Variants in RASA3 observed in about 807,000 individuals in gnomAD.
RASA3 encodes ras GTPase-activating protein 3.
RASA3 carries 73 observed loss-of-function variants against 110.0 expected under a neutral mutation model. That is an observed-to-expected ratio of 0.66 (90% CI 0.55 to 0.81). The LOEUF is 0.81. RASA3 is among the 30% of genes least tolerant of loss of function. The pLI is 0.00. For synonymous variants in RASA3, 500 were observed against 451.4 expected (o/e 1.11, Z -1.37); for missense variants, 976 against 1,113.2 (o/e 0.88, Z 1.75).
chr13:114,061,138 A>C (rs942338105), intron 2 of RASA3, among the ~76,000 whole-genome samples: 1 of 152,172 alleles, frequency 6.6e-6, no homozygotes, highest in Non-Finnish European at 1.5e-5. Flanking sequence ...TTCAGTGGCA[A>C]ATATTTCGAG....
chr13:113,996,106 G>A (rs113313549), intron 21 of RASA3, among the ~76,000 whole-genome samples: 17 of 138,770 alleles, frequency 1.2e-4, no homozygotes, highest in South Asian at 2.4e-4. Flanking sequence ...ATGGGGACCC[G>A]GCTGATGGGG....
chr13:114,015,777 G>A (rs1292219591), intron 13 of RASA3, among the ~76,000 whole-genome samples: 2 of 152,216 alleles, frequency 1.3e-5, no homozygotes, highest in Non-Finnish European at 2.9e-5. Flanking sequence ...GGGGAGGCAG[G>A]GAGGCCATCC....
At chr13:114,075,964 T>C (rs2079673011) in intron 1 of RASA3, among the ~76,000 whole-genome samples, 1 of 145,860 alleles carries the variant, frequency 6.9e-6, no homozygotes, top group Non-Finnish European at 1.5e-5. Context: ...TCTCTGGGTG[T>C]GGAGGCGCCG....
chr13:114,027,356 T>G, intron 7 of RASA3, 33 bp downstream of exon 7: 1 of 1,525,318 alleles, frequency 6.6e-7, no homozygotes, highest in Non-Finnish European at 9.1e-7. Flanking sequence ...GGTGCAGAGT[T>G]TCCACTTAAC....
intron 1 of RASA3, among the ~76,000 whole-genome samples, chr13:114,119,390 G>A (rs1229927491): frequency 2.0e-5 from 3 of 152,194 alleles, no homozygotes; most frequent in Non-Finnish European, 4.4e-5. Context: ...GGGGAATTCA[G>A]GAAGCGGTAC....
At chr13:113,998,186 C>T (rs12876827) in intron 20 of RASA3, among the ~76,000 whole-genome samples, 21 of 152,152 alleles carry the variant, frequency 1.4e-4, no homozygotes, top group Non-Finnish European at 2.4e-4. Flanking sequence ...CTTCGAGGGA[C>T]GGTCTCAGGG....
intron 1 of RASA3, among the ~76,000 whole-genome samples, chr13:114,121,210 G>A (rs1253555029): frequency 6.6e-6 from 1 of 152,240 alleles, no homozygotes; most frequent in African/African-American, 2.4e-5. Context: ...GCGGCCGGGG[G>A]CAGGAGGCCA....
At chr13:114,099,498 C>A (rs2079994664) in intron 1 of RASA3, among the ~76,000 whole-genome samples, 1 of 151,778 alleles carries the variant, frequency 6.6e-6, no homozygotes. Context: ...CTGGTCAGCG[C>A]TTCTCAGACC....
At chr13:114,118,148 G>C (rs1442133796) in intron 1 of RASA3, among the ~76,000 whole-genome samples, 1 of 152,062 alleles carries the variant, frequency 6.6e-6, no homozygotes, top group Non-Finnish European at 1.5e-5. Context: ...ACGTTCATGG[G>C]TTTGTCTTAT....
At chr13:114,081,968 G>A (rs2079794334) in intron 1 of RASA3, among the ~76,000 whole-genome samples, 1 of 152,218 alleles carries the variant, frequency 6.6e-6, no homozygotes, top group Non-Finnish European at 1.5e-5. Context: ...GGCTGCAGCT[G>A]CACACACAGG....
intron 22 of RASA3, among the ~76,000 whole-genome samples, chr13:113,989,625 T>A (rs61967985): frequency 0.14 from 20,170 of 145,738 alleles, 1,716 homozygotes; most frequent in Middle Eastern, 0.23. Context: ...ACCCTGTCCA[T>A]CCATCCATCA....
intron 14 of RASA3, 129 bp downstream of exon 14, chr13:114,015,080 C>T (rs1192541038): frequency 1.3e-5 from 17 of 1,282,340 alleles, no homozygotes; most frequent in East Asian, 2.3e-5. Context: ...AATCCAGCAT[C>T]GGAACTGGGG....
At chr13:114,019,808 GTGT>G (rs1405279047) in intron 9 of RASA3, among the ~76,000 whole-genome samples, 3,772 of 137,182 alleles carry the variant, frequency 0.027, 659 homozygotes, top group African/African-American at 0.035. Flanking sequence ...GGTGGAGCCT[GTGT>G]CCGAGGCATT....
intron 1 of RASA3, chr13:114,077,990 C>CAT: frequency 1.9e-5 from 14 of 720,548 alleles, no homozygotes; most frequent in Non-Finnish European, 2.3e-5. Flanking sequence ...AGCATTGAAA[C>CAT]AGAAAAAAAA....
rs137914818 is a variant in RASA3 at position 114,052,505 on chromosome 13, T to C, written c.174-350A>G. 1.1e-4 allele frequency among the ~76,000 whole-genome samples: 16 copies of C among 152,324 alleles called. No homozygotes were observed. In the East Asian group the frequency reaches 3.1e-3, roughly 29 times the overall value. On this transcript the variant is annotated intron_variant, in intron 2 of 23. Coordinates refer to ENST00000334062, the MANE Select transcript of RASA3 (RefSeq NM_007368.4). ...GCCATCGTGATGTTTCGAAGGTACCTGGTTTGGGGCAGGCAGTGGCTCCCT... is the reference window on the plus strand; with the variant it reads ...GCCATCGTGATGTTTCGAAGGTACCCGGTTTGGGGCAGGCAGTGGCTCCCT...
chr13:114,065,187 A>C lies in RASA3; in HGVS notation c.173+8533T>G, dbSNP rs946406314. Among the ~76,000 whole-genome samples, 1 of 152,064 alleles carries C rather than the reference A, an allele frequency of 6.6e-6. No homozygotes were observed. The highest frequency in any genetic ancestry group is 2.4e-5 in the African/African-American group (1 of 41,410). ...GGGCTCAGCTGGGACCAGCAGAGAA[A>C]CCCCCGCCTTCTCCTCCCTGAGTCA... On this transcript the variant is annotated intron_variant, in intron 2 of 23. Coordinates refer to ENST00000334062, the MANE Select transcript of RASA3 (RefSeq NM_007368.4). This position sits in a 1 kb window ranked among gnomAD's most constrained non-coding sequence, Gnocchi z 4.1.
At chr13:114,071,044 C>T (rs897100363) in intron 2 of RASA3, among the ~76,000 whole-genome samples, 5 of 152,180 alleles carry the variant, frequency 3.3e-5, no homozygotes, top group African/African-American at 4.8e-5. Flanking sequence ...CCACGCTAAA[C>T]GGTGCCACAG....
chr13:114,017,448 G>A (rs2053819733), intron 11 of RASA3, 97 bp from the exon 12 acceptor site: 21 of 971,058 alleles, frequency 2.2e-5, no homozygotes, highest in Non-Finnish European at 3.3e-5. Flanking sequence ...TGGGCTGTGA[G>A]GTCAGTGCAC....
At chr13:113,981,620 C>CAA in intron 23 of RASA3, 55 bp downstream of exon 23, 1 of 1,573,168 alleles carries the variant, frequency 6.4e-7, no homozygotes, top group Non-Finnish European at 8.7e-7. Context: ...ACCCCCACTG[C>CAA]AATCTCCCGC....
Sources: gnomAD v4.1 joint callset for allele counts (sites outside exome capture counted in the v4.1 genomes callset) on GRCh38, gnomAD v4.1.1 for gene constraint, Gnocchi (gnomAD v3.1) non-coding constraint, MANE v1.5 for transcripts, NCBI Gene and HGNC (gene_info 2026-07-23, HGNC 2026-07-21) for gene names.